The following MAGI2 variants were observed in gnomAD, a reference collection of about 807,000 sequenced individuals.
The protein encoded by MAGI2 is membrane associated guanylate kinase, WW and PDZ domain containing 2.
MAGI2 carries 35 observed loss-of-function variants against 133.3 expected under a neutral mutation model. That is an observed-to-expected ratio of 0.26 (90% confidence interval 0.20 to 0.35). The LOEUF is 0.35. Ranked by LOEUF, MAGI2 falls within the 10% of genes least tolerant of loss-of-function variation. The pLI is 1.00. For synonymous variants in MAGI2, 729 were observed against 710.6 expected, an observed-to-expected ratio of 1.03 and a Z score of -0.41; for missense variants, 1,636 against 1,863.4, an observed-to-expected ratio of 0.88 and a Z score of 2.25.
At chr7:79,100,019 T>C (rs773054267) in intron 1 of MAGI2, among the ~76,000 whole-genome samples, 1 of 152,222 alleles carries the variant, frequency 6.6e-6, no homozygotes, top group East Asian at 1.9e-4. Flanking sequence ...AAGAATCTTA[T>C]AGTGTATGTG....
intron 1 of MAGI2, among the ~76,000 whole-genome samples, chr7:79,399,856 T>A (rs62458989): frequency 0.091 from 13,930 of 152,254 alleles, 871 homozygotes; most frequent in Middle Eastern, 0.17. Flanking sequence ...GTTCTCCAAC[T>A]ATCATACATC....
intron 2 of MAGI2, among the ~76,000 whole-genome samples, chr7:78,965,701 T>A (rs1210759410): frequency 1.3e-5 from 2 of 152,054 alleles, no homozygotes; most frequent in Non-Finnish European, 2.9e-5. Context: ...CGTACAGAAA[T>A]CAAATCCTAG....
At chr7:78,829,576 C>G (rs538373993) in intron 2 of MAGI2, among the ~76,000 whole-genome samples, 17 of 152,130 alleles carry the variant, frequency 1.1e-4, no homozygotes, top group Non-Finnish European at 2.4e-4. Flanking sequence ...ATCCCTGACA[C>G]TTATCAAAAA....
At position 78,621,768 on chromosome 7, in the gene MAGI2, A is replaced by G. The variant is rs1807769062; in HGVS notation, c.538+5352T>C. Among the ~76,000 whole-genome samples the G allele has an allele frequency of 2.0e-5, 3 of 152,084 alleles. No homozygotes were observed. The South Asian group carries it at 6.2e-4, about 31-fold the overall frequency. ...TTTAAGTTAATTTCTTAAAAGGCTT[A>G]AGAGGCAGGACTACAAATCAGGACA... On this transcript the variant is annotated intron_variant, in intron 3 of 21. Coordinates refer to ENST00000354212, the MANE Select transcript of MAGI2 (RefSeq NM_012301.4).
At chr7:78,551,095 C>T (rs1267933002) in intron 3 of MAGI2, among the ~76,000 whole-genome samples, 1 of 152,150 alleles carries the variant, frequency 6.6e-6, no homozygotes, top group African/African-American at 2.4e-5. Context: ...CCTATCTTAA[C>T]TTTATAAATG....
chr7:78,214,041 T>C (rs1032567801), intron 10 of MAGI2, among the ~76,000 whole-genome samples: 9 of 152,204 alleles, frequency 5.9e-5, no homozygotes, highest in Admixed American at 3.9e-4. Flanking sequence ...GCTCCATAAT[T>C]GGAGACCTCC....
At chr7:78,569,486 C>A (rs571393933) in intron 3 of MAGI2, among the ~76,000 whole-genome samples, 10 of 152,232 alleles carry the variant, frequency 6.6e-5, no homozygotes, top group Admixed American at 3.9e-4. Context: ...TATATCTAGG[C>A]ATATGGAAAC....
At chr7:78,923,693 A>G (rs1390908415) in intron 2 of MAGI2, among the ~76,000 whole-genome samples, 7 of 152,094 alleles carry the variant, frequency 4.6e-5, no homozygotes, top group African/African-American at 1.2e-4. Context: ...TTTTGGTTCC[A>G]TGTGAACTTT....
intron 1 of MAGI2, among the ~76,000 whole-genome samples, chr7:79,151,899 C>T (rs1367953949): frequency 2.8e-5 from 2 of 70,512 alleles, no homozygotes; most frequent in Non-Finnish European, 1.1e-4. Flanking sequence ...TGTCTAAAGT[C>T]CAGAAATTAT....
chr7:78,422,534 G>A (rs1798895467), intron 6 of MAGI2, among the ~76,000 whole-genome samples: 1 of 149,620 alleles, frequency 6.7e-6, no homozygotes, highest in Non-Finnish European at 1.5e-5. Context: ...TCTCTCCTTA[G>A]GATAATTTTC....
intron 2 of MAGI2, among the ~76,000 whole-genome samples, chr7:78,722,627 G>T (rs181152190): frequency 2.0e-5 from 3 of 151,928 alleles, no homozygotes; most frequent in Non-Finnish European, 2.9e-5. Flanking sequence ...ATACCACAAT[G>T]GCAAAACATC....
At chr7:78,545,552 T>C (rs977562595) in intron 3 of MAGI2, among the ~76,000 whole-genome samples, 2 of 152,126 alleles carry the variant, frequency 1.3e-5, no homozygotes, top group Non-Finnish European at 2.9e-5. Flanking sequence ...TTTAAACAGA[T>C]TGTGTTTACC....
At chr7:78,915,890 T>C (rs550889766) in intron 2 of MAGI2, among the ~76,000 whole-genome samples, 1 of 151,944 alleles carries the variant, frequency 6.6e-6, no homozygotes, top group Non-Finnish European at 1.5e-5. Context: ...TCTGAGAAGG[T>C]GGCGTGAGCA....
intron 1 of MAGI2, among the ~76,000 whole-genome samples, chr7:79,028,295 GTGTA>G (rs1810185339): frequency 4.5e-5 from 1 of 22,426 alleles, no homozygotes; most frequent in African/African-American, 1.3e-4. Flanking sequence ...ATATATATGT[GTGTA>G]TATATATATA....
intron 1 of MAGI2, among the ~76,000 whole-genome samples, chr7:79,221,523 C>T (rs1476874229): frequency 1.3e-5 from 2 of 151,980 alleles, no homozygotes; most frequent in African/African-American, 4.8e-5. Flanking sequence ...AACTAAATGA[C>T]TTACTATCAT....
At chr7:78,112,271 C>T (rs1819433463) in intron 20 of MAGI2, among the ~76,000 whole-genome samples, 4 of 152,120 alleles carry the variant, frequency 2.6e-5, no homozygotes, top group Admixed American at 2.6e-4. Context: ...TACTGTTTGA[C>T]CTTATTTTAC....
At chr7:78,744,879 A>G (rs1203683574) in intron 2 of MAGI2, among the ~76,000 whole-genome samples, 1 of 152,224 alleles carries the variant, frequency 6.6e-6, no homozygotes, top group East Asian at 1.9e-4. Flanking sequence ...AACAAACCAC[A>G]GTAATCACAA....
At chr7:78,615,462 CA>C (rs1181726096) in intron 3 of MAGI2, 2 of 152,156 alleles carry the variant, frequency 1.3e-5, no homozygotes, top group Non-Finnish European at 2.9e-5. Context: ...CCTTAGAGAG[CA>C]GGGGCAGAAA....
chr7:78,342,309 A>G (rs956202367), intron 9 of MAGI2, among the ~76,000 whole-genome samples: 7 of 152,186 alleles, frequency 4.6e-5, no homozygotes, highest in Non-Finnish European at 8.8e-5. Flanking sequence ...GAAACAACAG[A>G]TGCTGGAGGG....
Sources: allele counts gnomAD v4.1 joint callset (sites outside exome capture counted in the v4.1 genomes callset), GRCh38; gene constraint gnomAD v4.1.1; transcripts MANE v1.5; gene names NCBI Gene and HGNC (gene_info 2026-07-23, HGNC 2026-07-21).